ALPL: variants seen among roughly 807,000 people sequenced by gnomAD.
ALPL encodes alkaline phosphatase, biomineralization associated, also known as alkaline phosphatase, tissue-nonspecific isozyme.
A neutral mutation model predicts 51.3 loss-of-function variants in ALPL; 42 were observed. The ratio of observed to expected loss-of-function variants is 0.82; its 90% confidence interval spans 0.64 to 1.06. ALPL has a LOEUF of 1.06. Ranked by LOEUF, ALPL falls within the 50% of genes least tolerant of loss-of-function variation. The probability of loss-of-function intolerance (pLI) is 0.00; values close to 1 mark genes in which losing one functional copy is unlikely to be tolerated. For synonymous variants in ALPL, 279 were observed against 296.4 expected, an observed-to-expected ratio of 0.94 and a Z score of 0.60; for missense variants, 589 against 709.4, an observed-to-expected ratio of 0.83 and a Z score of 1.93.
intron 1 of ALPL, among the ~76,000 whole-genome samples, chr1:21,526,041 C>G (rs1643937073): frequency 6.6e-6 from 1 of 152,080 alleles, no homozygotes; most frequent in South Asian, 2.1e-4. Flanking sequence ...AGCAGACTCC[C>G]CCACAGAGCC....
rs1387301412 is a variant in ALPL, at chr1:21,578,371, A to G, written c.*723A>G. ...TTTTTGGTGGTGGTTAAAAGGGAACACAAAACATTTAAATAAAACTTTCCA... is the reference window on the plus strand; with the variant it reads ...TTTTTGGTGGTGGTTAAAAGGGAACGCAAAACATTTAAATAAAACTTTCCA... On this transcript the variant is annotated 3_prime_UTR_variant, in exon 12 of 12. Coordinates refer to ENST00000374840, the MANE Select transcript of ALPL (RefSeq NM_000478.6). This position sits in a 1 kb window ranked among gnomAD's most constrained non-coding sequence, Gnocchi z 4.2. 1.3e-5 allele frequency: 2 copies of G among 152,652 alleles called. No homozygotes were observed. Among genetic ancestry groups the G allele is most frequent in the African/African-American group, 4.8e-5 (2 of 41,450 alleles). 9.5% of individuals were successfully genotyped at this position (152,652 alleles called of 1,614,324 possible).
intron 2 of ALPL, among the ~76,000 whole-genome samples, chr1:21,558,831 T>C (rs1022297240): frequency 6.6e-6 from 1 of 152,186 alleles, no homozygotes; most frequent in African/African-American, 2.4e-5. Flanking sequence ...GCTCCTCGCC[T>C]GTGCTCTGCG....
At chr1:21,542,802 C>T (rs1360300900) in intron 1 of ALPL, among the ~76,000 whole-genome samples, 1 of 152,146 alleles carries the variant, frequency 6.6e-6, no homozygotes, top group Non-Finnish European at 1.5e-5. Context: ...TGCGCTACTG[C>T]ACTCCAGCTT....
chr1:21,546,562 G>A (rs1204553822), intron 1 of ALPL, among the ~76,000 whole-genome samples: 1 of 152,236 alleles, frequency 6.6e-6, no homozygotes, highest in African/African-American at 2.4e-5. Flanking sequence ...TTTGGAAGCA[G>A]AAAAGGCCCC....
Position 21,576,999 on chromosome 1 carries a change from C to T in ALPL, c.1309+358C>T, listed in dbSNP as rs977481528. On this transcript the variant is annotated intron_variant, in intron 11 of 11. Transcript: ENST00000374840. The stretch of plus-strand genomic sequence containing the variant: ...TATTTTATACTCATTTTTCTTGGCC[C>T]TATAATATTCCAGTATACGAGACTT... 2.6e-5 allele frequency among the ~76,000 whole-genome samples: 4 copies of T among 152,202 alleles called. No homozygotes were observed. In the Middle Eastern group the frequency reaches 0.01, roughly 388 times the overall value.
rs765106082 is a variant in ALPL at position 21,577,368 on chromosome 1, T to G, written c.1310-15T>G. 2.2e-5 allele frequency: 36 copies of G among 1,613,050 alleles called. No homozygotes were observed. The highest frequency in any genetic ancestry group is 3.0e-5 in the Non-Finnish European group (35 of 1,179,958). ...CCCTGGCAGGCTCTCAGCAGGTGTT[T>G]CCCCTGGCCCACAGCTCACAACAAC... On this transcript the variant is annotated splice_polypyrimidine_tract_variant and intron_variant, in intron 11 of 11. Coordinates refer to ENST00000374840, the MANE Select transcript of ALPL (RefSeq NM_000478.6).
intron 2 of ALPL, among the ~76,000 whole-genome samples, chr1:21,558,895 A>G (rs1644447824): frequency 6.6e-6 from 1 of 152,152 alleles, no homozygotes; most frequent in Non-Finnish European, 1.5e-5. Context: ...CGGTTCTCCC[A>G]CTTGGGGCCC....
At chr1:21,554,341 C>T (rs1196828289) in intron 2 of ALPL, among the ~76,000 whole-genome samples, 199 bp downstream of exon 2, 5 of 115,076 alleles carry the variant, frequency 4.3e-5, no homozygotes, top group African/African-American at 9.4e-5. Context: ...TATATATATA[C>T]ACACATACAC....
At chr1:21,517,742 T>C (rs921721059) in intron 1 of ALPL, among the ~76,000 whole-genome samples, 7 of 152,006 alleles carry the variant, frequency 4.6e-5, no homozygotes, top group African/African-American at 1.4e-4. Flanking sequence ...CTACCACGCA[T>C]GGTTTATTTG....
chr1:21,510,646 A>G (rs1199853806), intron 1 of ALPL, among the ~76,000 whole-genome samples: 1 of 152,078 alleles, frequency 6.6e-6, no homozygotes, highest in African/African-American at 2.4e-5. Flanking sequence ...CAGACTCCAA[A>G]CTCTGCAGCC....
At position 21,514,594 on chromosome 1, in the gene ALPL, G is replaced by A. The variant is rs575434703; in HGVS notation, c.-105+5077G>A. On this transcript the variant is annotated intron_variant, in intron 1 of 11. Transcript: ENST00000374840. ...GCACAGGAGGCTGTGAAGCCTGATGGTTACATGCGGGGGGCTCTGGAGGCA... is the reference window on the plus strand; with the variant it reads ...GCACAGGAGGCTGTGAAGCCTGATGATTACATGCGGGGGGCTCTGGAGGCA... Among the ~76,000 whole-genome samples the A allele has an allele frequency of 8.0e-4, 122 of 152,282 alleles. 1 individual carries two copies. The highest frequency in any genetic ancestry group is 2.8e-3 in the African/African-American group (115 of 41,552).
intron 5 of ALPL, 38 bp downstream of exon 5, chr1:21,563,322 G>A (rs755562557): frequency 2.0e-5 from 31 of 1,588,518 alleles, no homozygotes; most frequent in East Asian, 2.2e-5. Flanking sequence ...GGCCAGCTTC[G>A]TGGCCTGTCC....
At chr1:21,516,435 C>A (rs1277539618) in intron 1 of ALPL, among the ~76,000 whole-genome samples, 1 of 152,170 alleles carries the variant, frequency 6.6e-6, no homozygotes. Flanking sequence ...ACTATAAGCC[C>A]AACATGCACG....
intron 1 of ALPL, among the ~76,000 whole-genome samples, chr1:21,540,019 G>A (rs1223589179): frequency 6.6e-6 from 1 of 152,134 alleles, no homozygotes; most frequent in Non-Finnish European, 1.5e-5. Flanking sequence ...CCTAGTACCA[G>A]GGAGGCTCCC....
At chr1:21,545,160 CCTT>C (rs1426006841) in intron 1 of ALPL, among the ~76,000 whole-genome samples, 1 of 152,124 alleles carries the variant, frequency 6.6e-6, no homozygotes, top group Admixed American at 6.5e-5. Flanking sequence ...CCTAATGCTG[CCTT>C]CTTACATATT....
At chr1:21,558,433 G>A (rs1644441544) in intron 2 of ALPL, among the ~76,000 whole-genome samples, 3 of 152,180 alleles carry the variant, frequency 2.0e-5, no homozygotes, top group African/African-American at 7.2e-5. Context: ...GAAGGCAGGA[G>A]GGAGGCTGGA....
intron 1 of ALPL, among the ~76,000 whole-genome samples, chr1:21,525,491 G>A (rs915002071): frequency 2.0e-5 from 3 of 152,230 alleles, no homozygotes; most frequent in Admixed American, 6.5e-5. Context: ...CTGATGGAGC[G>A]GCCTCTCCTG....
At chr1:21,525,178 C>T (rs1314422036) in intron 1 of ALPL, among the ~76,000 whole-genome samples, 4 of 152,236 alleles carry the variant, frequency 2.6e-5, no homozygotes, top group Non-Finnish European at 5.9e-5. Context: ...CGGATGCTTT[C>T]CTCTTGGGCG....
intron 4 of ALPL, 152 bp from the exon 5 acceptor site, chr1:21,562,958 C>T: frequency 9.7e-7 from 1 of 1,030,232 alleles, no homozygotes; most frequent in Non-Finnish European, 1.5e-6. Flanking sequence ...TCCTGTGGCT[C>T]TGGGGGGCTT....
Sources: allele counts gnomAD v4.1 joint callset (sites outside exome capture counted in the v4.1 genomes callset), GRCh38; gene constraint gnomAD v4.1.1; non-coding constraint Gnocchi (gnomAD v3.1); transcripts MANE v1.5; gene names NCBI Gene and HGNC (gene_info 2026-07-23, HGNC 2026-07-21).